Variants in HOOK1 observed in about 807,000 individuals in gnomAD.
HOOK1 encodes the protein protein Hook homolog 1.
Under a neutral mutation model 112.8 loss-of-function variants are expected in HOOK1, and 60 were observed. The ratio of observed to expected loss-of-function variants is 0.53; its 90% CI spans 0.43 to 0.66. HOOK1 has a LOEUF of 0.66. Ranked by LOEUF, HOOK1 falls within the 30% of genes least tolerant of loss-of-function variation. The pLI, the probability that HOOK1 is intolerant of heterozygous loss-of-function variation, is 0.00. For missense variants in HOOK1, 770 were observed against 856.0 expected, an observed-to-expected ratio of 0.90 and a Z score of 1.25; for synonymous variants, 294 against 283.8, an observed-to-expected ratio of 1.04 and a Z score of -0.36.
rs1374935972 is a variant in HOOK1 at position 59,876,290 on chromosome 1, T to TATTA, written c.*3326_*3329dup. ...GATTTATTTTTGTAAGTATTTAGGA[T>TATTA]ATTATTTTAAATAAATGATTGTCCA... On this transcript the variant is annotated 3_prime_UTR_variant, in exon 22 of 22. Coordinates refer to ENST00000371208, the MANE Select transcript of HOOK1 (RefSeq NM_015888.6). 1 of 152,674 alleles carries TATTA rather than the reference T, an allele frequency of 6.5e-6. No individual in the cohort carries two copies. Among genetic ancestry groups the TATTA allele is most frequent in the African/African-American group, 2.4e-5 (1 of 41,472 alleles). 9.5% of individuals were successfully genotyped at this position (152,674 alleles called of 1,614,324 possible). A position where few individuals can be genotyped will look rare whatever the true frequency, so the allele number is the denominator to read the frequency against.
intron 9 of HOOK1, among the ~76,000 whole-genome samples, chr1:59,845,793 CTG>C (rs1211272308): frequency 6.6e-6 from 1 of 151,744 alleles, no homozygotes; most frequent in Non-Finnish European, 1.5e-5. Flanking sequence ...ATTTTTATAA[CTG>C]TCTTTATAAT....
rs1644116151 is a variant in HOOK1 at position 59,875,356 on chromosome 1, C to T, written c.*2391C>T. Reference sequence around the variant, plus strand: ...TCTAGTTGATAAGTAGGATTCAAAACGTTTGATATGTAAGTATTTATATAA... The same window carrying T: ...TCTAGTTGATAAGTAGGATTCAAAATGTTTGATATGTAAGTATTTATATAA... On this transcript the variant is annotated 3_prime_UTR_variant, in exon 22 of 22. Transcript: ENST00000371208. 6.6e-6 allele frequency: 1 copy of T among 152,472 alleles called. No homozygotes were observed. The highest frequency in any genetic ancestry group is 2.4e-5 in the African/African-American group (1 of 41,384). The allele number at this position is 152,472 out of a possible 1,614,324, so 9.4% of individuals were successfully genotyped here. A position where few individuals can be genotyped will look rare whatever the true frequency, so the allele number is the denominator to read the frequency against.
intron 14 of HOOK1, among the ~76,000 whole-genome samples, 195 bp from the exon 15 acceptor site, chr1:59,859,993 A>G (rs966119075): frequency 3.9e-5 from 6 of 152,270 alleles, no homozygotes; most frequent in South Asian, 2.1e-4. Flanking sequence ...TGCAGTTTAC[A>G]TAATTTTTTC....
intron 12 of HOOK1, among the ~76,000 whole-genome samples, chr1:59,851,072 T>G (rs1310348583): frequency 6.6e-6 from 1 of 151,612 alleles, no homozygotes; most frequent in Non-Finnish European, 1.5e-5. Context: ...GATTATTGAT[T>G]ACTGTAGTTT....
intron 6 of HOOK1, 123 bp from the exon 7 acceptor site, chr1:59,836,750 G>C (rs931988517): frequency 2.1e-5 from 12 of 564,254 alleles, no homozygotes; most frequent in Non-Finnish European, 3.4e-5. Flanking sequence ...AGCGTTCTAA[G>C]GATCCTCAAA....
intron 12 of HOOK1, among the ~76,000 whole-genome samples, chr1:59,856,975 T>A (rs1316054760): frequency 6.6e-6 from 1 of 152,178 alleles, no homozygotes; most frequent in Non-Finnish European, 1.5e-5. Context: ...AAGATTCCTA[T>A]GGGCATCTTA....
In HOOK1 at chr1:59,855,957, T is replaced by TAAAAAAA. The variant is rs1418665294; in HGVS notation, c.1243-2470_1243-2469insAAAAAAA. Among the ~76,000 whole-genome samples, 138 of 104,458 alleles carry TAAAAAAA rather than the reference T, an allele frequency of 1.3e-3. 2 individuals are homozygous for TAAAAAAA. The highest frequency in any genetic ancestry group is 7.9e-3 in the East Asian group (32 of 4,066). The allele number at this position is 104,458 out of a possible 152,430, so 68.5% of individuals were successfully genotyped here. A position where few individuals can be genotyped will look rare whatever the true frequency, so the allele number is the denominator to read the frequency against. ...CCCAGCTAATTTATATATATATATA[T>TAAAAAAA]ATAAATTATTATATATATATATATA... On this transcript the variant is annotated intron_variant, in intron 12 of 21. Transcript: ENST00000371208.
rs143568347 is a variant in HOOK1 at position 59,821,858 on chromosome 1, C to T, written c.64C>T (p.Leu22=). ...LPLCDSLMIW[L]QTFNTASPCQ... Reference sequence around the variant, plus strand: ...GATCATTTGATTTATGTCATTTTAGCTGCAGACATTCAATACTGCCTCACC... The same window carrying T: ...GATCATTTGATTTATGTCATTTTAGTTGCAGACATTCAATACTGCCTCACC... The change falls in exon 2 of 22, where the codon CTG becomes TTG. Residue 22 remains leucine, a splice_region_variant and synonymous_variant. Transcript: ENST00000371208. The T allele has an allele frequency of 5.7e-6, 9 of 1,585,168 alleles. No homozygotes were observed. In the East Asian group the frequency reaches 6.9e-5, roughly 12 times the overall value.
At position 59,835,348 on chromosome 1, in the gene HOOK1, AT is replaced by A; in HGVS notation, c.411del (p.His137GlnfsTer5). On this transcript the variant is annotated frameshift_variant, in exon 6 of 22. Coordinates refer to ENST00000371208, the MANE Select transcript of HOOK1 (RefSeq NM_015888.6). LOFTEE classifies it high-confidence loss of function. ...CAINCEKKQE[H>X]IQNIMTLEES... ...ATTTGATTTTTTTAAATCATAGAAC[AT>A]ATTCAAAATATAATGACACTGGAAG... 12 of 1,558,098 alleles carry A rather than the reference AT, an allele frequency of 7.7e-6. No individual in the cohort carries two copies. Among genetic ancestry groups the A allele is most frequent in the Non-Finnish European group, 1.1e-5 (12 of 1,131,350 alleles).
At chr1:59,863,411 TTCTC>T (rs894331947) in intron 16 of HOOK1, among the ~76,000 whole-genome samples, 1 of 152,172 alleles carries the variant, frequency 6.6e-6, no homozygotes, top group Admixed American at 6.5e-5. Context: ...ACTCATTTCT[TTCTC>T]CTTCCTTAAT....
Position 59,864,664 on chromosome 1 carries a change from T to C in HOOK1, c.1659T>C (p.His553=). The C allele has an allele frequency of 6.5e-7, 1 of 1,530,580 alleles. No homozygotes were observed. Among genetic ancestry groups the C allele is most frequent in the Non-Finnish European group, 9.0e-7 (1 of 1,110,330 alleles). The allele number at this position is 1,530,580 out of a possible 1,614,324, so 94.8% of individuals were successfully genotyped here. Residue 553 remains histidine, a splice_region_variant and synonymous_variant, in exon 17 of 22, where the codon CAT becomes CAC. Coordinates refer to ENST00000371208, the MANE Select transcript of HOOK1 (RefSeq NM_015888.6). ...AATTAAAGCAGAAGTTGGAAGCTCATATGTAAGTAAAACTGATATTTCTTT... is the reference window on the plus strand; with the variant it reads ...AATTAAAGCAGAAGTTGGAAGCTCACATGTAAGTAAAACTGATATTTCTTT... The part of the protein sequence containing the change: ...SSKLKQKLEA[H]MEKLTEVHEE...
intron 8 of HOOK1, among the ~76,000 whole-genome samples, chr1:59,843,103 A>T (rs1400458547): frequency 4.0e-5 from 6 of 151,870 alleles, no homozygotes; most frequent in Non-Finnish European, 1.5e-5. Flanking sequence ...AAGAGGAGAC[A>T]AATTAATTTT....
intron 12 of HOOK1, 21 bp downstream of exon 12, chr1:59,849,204 T>TA (rs755432667): frequency 6.8e-7 from 1 of 1,469,022 alleles, no homozygotes; most frequent in Non-Finnish European, 9.5e-7. Context: ...ATATAATTGA[T>TA]AAGGAATATT....
At chr1:59,825,828 A>G (rs977838284) in intron 2 of HOOK1, among the ~76,000 whole-genome samples, 74 of 152,322 alleles carry the variant, frequency 4.9e-4, no homozygotes, top group African/African-American at 1.8e-3. Context: ...ATAGATGTCC[A>G]TATAAGCATG....
At chr1:59,838,831 G>A (rs2098399435) in intron 7 of HOOK1, among the ~76,000 whole-genome samples, 1 of 152,150 alleles carries the variant, frequency 6.6e-6, no homozygotes, top group African/African-American at 2.4e-5. Context: ...ATGGTCCTAT[G>A]TCTTACATTT....
chr1:59,858,011 A>T (rs538532162), intron 12 of HOOK1, among the ~76,000 whole-genome samples: 47 of 152,346 alleles, frequency 3.1e-4, no homozygotes, highest in South Asian at 1.9e-3. Flanking sequence ...TATTCAGAAC[A>T]CCTTTGCAAG....
chr1:59,839,389 A>G (rs575212334), intron 7 of HOOK1, among the ~76,000 whole-genome samples: 68 of 152,278 alleles, frequency 4.5e-4, no homozygotes, highest in African/African-American at 1.4e-3. Flanking sequence ...AGTGGTTTGT[A>G]GTTCCCCTTG....
chr1:59,858,072 G>C (rs1014757571), intron 12 of HOOK1, among the ~76,000 whole-genome samples: 2 of 152,168 alleles, frequency 1.3e-5, no homozygotes, highest in African/African-American at 2.4e-5. Flanking sequence ...TAAAGCCAAA[G>C]AGTTATATAA....
intron 17 of HOOK1, chr1:59,864,929 T>G: frequency 1.8e-6 from 1 of 568,526 alleles, no homozygotes; most frequent in Middle Eastern, 4.3e-4. Context: ...TATGGGATGT[T>G]AAACCTATAA....
Sources: gnomAD v4.1 joint callset for allele counts (sites outside exome capture counted in the v4.1 genomes callset) on GRCh38, gnomAD v4.1.1 for gene constraint, MANE v1.5 for transcripts, NCBI Gene and HGNC (gene_info 2026-07-23, HGNC 2026-07-21) for gene names.